The following KANSL2 variants were observed in gnomAD, a reference collection of about 807,000 sequenced individuals.
KANSL2 encodes the protein KAT8 regulatory NSL complex subunit 2.
KANSL2 carries 34 observed loss-of-function variants against 55.6 expected under a neutral mutation model. That is an observed-to-expected ratio of 0.61 (90% CI 0.46 to 0.81). The LOEUF is 0.81. KANSL2 is among the 40% of genes least tolerant of loss of function. The pLI, the probability that KANSL2 is intolerant of heterozygous loss-of-function variation, is 0.00. For missense variants in KANSL2, 502 were observed against 609.9 expected (o/e 0.82, Z 1.86); for synonymous variants, 209 against 214.3 (o/e 0.98, Z 0.22).
chr12:48,655,340 A>G (rs571710332), intron 8 of KANSL2, among the ~76,000 whole-genome samples: 7 of 152,236 alleles, frequency 4.6e-5, no homozygotes, highest in Admixed American at 2.0e-4. Flanking sequence ...AGGCCAAGGT[A>G]GGCATATCAC....
chr12:48,656,343 G>A (rs1163596384), intron 8 of KANSL2, among the ~76,000 whole-genome samples: 8 of 149,780 alleles, frequency 5.3e-5, no homozygotes, highest in African/African-American at 9.8e-5. Flanking sequence ...ACGTGATCTC[G>A]GCTCACTGCA....
intron 4 of KANSL2, among the ~76,000 whole-genome samples, chr12:48,676,031 A>T (rs1332040799): frequency 6.6e-6 from 1 of 152,212 alleles, no homozygotes; most frequent in East Asian, 1.9e-4. Flanking sequence ...ATTATTATTT[A>T]AAAAAGGGAA....
chr12:48,666,710 A>C (rs1939607918), intron 7 of KANSL2, among the ~76,000 whole-genome samples: 1 of 151,412 alleles, frequency 6.6e-6, no homozygotes, highest in Non-Finnish European at 1.5e-5. Flanking sequence ...ATAATTAATA[A>C]TAAAATAAAA....
chr12:48,678,807 G>A (rs988142206), intron 4 of KANSL2, among the ~76,000 whole-genome samples: 2 of 151,974 alleles, frequency 1.3e-5, no homozygotes, highest in African/African-American at 4.8e-5. Flanking sequence ...TTTCTCATAC[G>A]TAGAATTTGG....
chr12:48,654,564 T>G (rs776790424), intron 9 of KANSL2: 2 of 597,190 alleles, frequency 3.3e-6, no homozygotes, highest in African/African-American at 1.8e-5. Context: ...ATCACATTAC[T>G]TTACTGGTCC....
chr12:48,655,984 T>C (rs1939372806), intron 8 of KANSL2, among the ~76,000 whole-genome samples: 1 of 152,194 alleles, frequency 6.6e-6, no homozygotes, highest in African/African-American at 2.4e-5. Context: ...AAAAATATTT[T>C]TTAAAAAAGC....
chr12:48,673,787 C>CAAAAAA lies in KANSL2; in HGVS notation c.546-1831_546-1826dup, dbSNP rs570942773. Among the ~76,000 whole-genome samples the CAAAAAA allele has an allele frequency of 3.1e-4, 47 of 151,632 alleles. No homozygotes were observed. The East Asian group carries it at 7.4e-3, about 24-fold the overall frequency. On this transcript the variant is annotated intron_variant, in intron 4 of 9. Transcript: ENST00000420613. ...GTAACATGATAAAACCCTGTCAATA[C>CAAAAAA]AAAAAATACAAAAGTTAGCTGGGCA...
At chr12:48,662,220 G>A (rs966930840) in intron 7 of KANSL2, among the ~76,000 whole-genome samples, 5 of 152,028 alleles carry the variant, frequency 3.3e-5, no homozygotes, top group Admixed American at 6.6e-5. Context: ...TTCTCCTGCC[G>A]CAGACTCCAA....
intron 8 of KANSL2, chr12:48,656,516 C>T (rs1298914893): frequency 9.2e-6 from 3 of 324,584 alleles, no homozygotes; most frequent in African/African-American, 6.6e-5. Context: ...CAGTGATTGG[C>T]CCACCTCAGC....
At chr12:48,660,717 A>G (rs1039535198) in intron 7 of KANSL2, 98 bp from the exon 8 acceptor site, 8 of 1,195,070 alleles carry the variant, frequency 6.7e-6, no homozygotes, top group Non-Finnish European at 8.0e-6. Flanking sequence ...TGTGGACTAT[A>G]TAAGATAAAT....
chr12:48,654,208 A>G (rs763942223), intron 9 of KANSL2, 33 bp from the exon 10 acceptor site: 4 of 1,579,230 alleles, frequency 2.5e-6, no homozygotes, highest in Non-Finnish European at 3.4e-6. Flanking sequence ...TTCAGTTAGT[A>G]ATTCATTCAC....
intron 8 of KANSL2, among the ~76,000 whole-genome samples, chr12:48,657,621 C>A (rs112409092): frequency 1.3e-5 from 2 of 149,002 alleles, no homozygotes; most frequent in Non-Finnish European, 3.0e-5. Flanking sequence ...TGTGTGTGTG[C>A]GTGCGTGTGT....
At chr12:48,664,879 CTTTTTTTT>C (rs367566566) in intron 7 of KANSL2, among the ~76,000 whole-genome samples, 9 of 94,660 alleles carry the variant, frequency 9.5e-5, no homozygotes, top group African/African-American at 1.3e-4. Flanking sequence ...ACTGCGCCCG[CTTTTTTTT>C]TTTTTTTTTT....
chr12:48,660,437 C>G lies in KANSL2; in HGVS notation c.1156G>C (p.Gly386Arg), dbSNP rs200133990. ...GCACTCAAGTACAGATCCATGGGGC[C>G]GGCTTCCAGATCGTCTGGCACAGAC... The part of the protein sequence containing the change: ...VLSVPDDLEA[G>R]PMDLYLSAAE... The change falls in exon 8 of 10, where the codon GGC becomes CGC. Residue 386 changes from glycine (G) to arginine (R), a missense_variant. Physicochemically the swap from Gly to Arg is moderately radical, Grantham distance 125 (BLOSUM62 -2). Coordinates refer to ENST00000420613, the MANE Select transcript of KANSL2 (RefSeq NM_017822.4). 1.2e-6 allele frequency: 2 copies of G among 1,613,770 alleles called. No individual in the cohort carries two copies. The highest frequency in any genetic ancestry group is 1.7e-6 in the Non-Finnish European group (2 of 1,179,864).
rs576865450 is a variant in KANSL2 at position 48,677,640 on chromosome 12, G to T, written c.545+1396C>A. On this transcript the variant is annotated intron_variant, in intron 4 of 9. Transcript: ENST00000420613. ...ACTAAAAATACAAAAAATTACCTGGGTGTGGTGGTGGGTGCCTATAATCCC... is the reference window on the plus strand; with the variant it reads ...ACTAAAAATACAAAAAATTACCTGGTTGTGGTGGTGGGTGCCTATAATCCC... Among the ~76,000 whole-genome samples the T allele has an allele frequency of 1.0e-3, 153 of 152,050 alleles. 2 individuals are homozygous for T. The highest frequency in any genetic ancestry group is 3.5e-3 in the African/African-American group (144 of 41,484).
At chr12:48,677,923 T>A (rs1939854568) in intron 4 of KANSL2, among the ~76,000 whole-genome samples, 1 of 152,160 alleles carries the variant, frequency 6.6e-6, no homozygotes, top group Non-Finnish European at 1.5e-5. Context: ...CCTGAATAGT[T>A]GACCACAGTG....
chr12:48,666,563 C>T (rs1013941023), intron 7 of KANSL2, among the ~76,000 whole-genome samples: 6 of 151,728 alleles, frequency 4.0e-5, no homozygotes, highest in Non-Finnish European at 5.9e-5. Context: ...CGTGGTGGCA[C>T]GTGCCTGTAA....
chr12:48,667,045 G>A (rs1939614342), intron 7 of KANSL2, among the ~76,000 whole-genome samples: 1 of 152,082 alleles, frequency 6.6e-6, no homozygotes, highest in Admixed American at 6.6e-5. Flanking sequence ...GCCAGGTATT[G>A]TGGTACGTGC....
At chr12:48,655,499 G>A (rs1011544303) in intron 8 of KANSL2, among the ~76,000 whole-genome samples, 4 of 151,710 alleles carry the variant, frequency 2.6e-5, no homozygotes, top group Non-Finnish European at 4.4e-5. Context: ...AGCTTGGGAC[G>A]CAGAGGCTGC....
Sources: allele counts gnomAD v4.1 joint callset (sites outside exome capture counted in the v4.1 genomes callset), GRCh38; gene constraint gnomAD v4.1.1; transcripts MANE v1.5; gene names NCBI Gene and HGNC (gene_info 2026-07-23, HGNC 2026-07-21).